Variants in MFSD8 observed in about 807,000 individuals in gnomAD.
MFSD8 encodes the protein major facilitator superfamily domain containing 8, also known as major facilitator superfamily domain-containing protein 8.
Under a neutral mutation model 66.4 loss-of-function variants are expected in MFSD8, and 55 were observed. The ratio of observed to expected loss-of-function variants is 0.83; its 90% CI spans 0.67 to 1.04. MFSD8 has a LOEUF of 1.04. Ranked by LOEUF, MFSD8 falls within the 50% of genes least tolerant of loss-of-function variation. MFSD8 has a pLI of 0.00. For missense variants in MFSD8, 550 were observed against 627.6 expected (o/e 0.88, Z 1.32); for synonymous variants, 202 against 212.8 (o/e 0.95, Z 0.44).
chr4:127,957,288 T>C (rs1337692097), intron 2 of MFSD8, among the ~76,000 whole-genome samples: 1 of 152,182 alleles, frequency 6.6e-6, no homozygotes, highest in Non-Finnish European at 1.5e-5. Context: ...AGTTTCTCTT[T>C]TGCAAGATGA....
chr4:127,931,203 T>C (rs922152338), intron 8 of MFSD8, among the ~76,000 whole-genome samples: 2 of 152,208 alleles, frequency 1.3e-5, no homozygotes, highest in South Asian at 2.1e-4. Context: ...TTATATTAAG[T>C]TATCAGAATA....
In MFSD8 at chr4:127,947,902, T is replaced by A. The variant is rs1017354922; in HGVS notation, c.198+1902A>T. Among the ~76,000 whole-genome samples, 60 of 116,660 alleles carry A rather than the reference T, an allele frequency of 5.1e-4. No homozygotes were observed. The South Asian group carries it at 6.3e-3, about 12-fold the overall frequency. The allele number at this position is 116,660 out of a possible 152,430, so 76.5% of individuals were successfully genotyped here. A position where few individuals can be genotyped will look rare whatever the true frequency, so the allele number is the denominator to read the frequency against. On this transcript the variant is annotated intron_variant, in intron 3 of 11. Coordinates refer to ENST00000641686, the MANE Select transcript of MFSD8 (RefSeq NM_001371596.2). ...CACACACACACACACACACACACTC[T>A]CTCTCCAACCTCATAGAAAAACCAA...
intron 6 of MFSD8, chr4:127,939,047 G>GA (rs1431127671): frequency 1.3e-5 from 5 of 382,726 alleles, no homozygotes; most frequent in Non-Finnish European, 1.9e-5. Flanking sequence ...CAGGTAAAAT[G>GA]AAAAAAATCC....
At chr4:127,965,195 C>T (rs1006273109), upstream of MFSD8, 4 of 1,602,100 alleles carry the variant, frequency 2.5e-6, no homozygotes, top group African/African-American at 2.7e-5. Context: ...TCTCCCATCC[C>T]GGGTGGCGTG....
chr4:127,931,393 T>C (rs752969301), intron 8 of MFSD8, among the ~76,000 whole-genome samples: 1 of 152,200 alleles, frequency 6.6e-6, no homozygotes, highest in Non-Finnish European at 1.5e-5. Flanking sequence ...AGTCTCACTC[T>C]GTCACCTGGG....
At chr4:127,926,874 A>T (rs1337839057) in intron 9 of MFSD8, among the ~76,000 whole-genome samples, 3 of 152,182 alleles carry the variant, frequency 2.0e-5, no homozygotes, top group East Asian at 3.9e-4. Flanking sequence ...CCACACTTCA[A>T]ATTTTGAATT....
Position 127,943,801 on chromosome 4 carries a change from A to G in MFSD8, c.390T>C (p.His130=). ...LYAYLHIPAS[H]NKYYMLVARG... The stretch of plus-strand genomic sequence containing the variant: ...GAGCAACCAGCATGTAGTATTTATT[A>G]TGAGAAGCTGGGATGTGGAGATATG... Residue 130 remains histidine, a synonymous_variant, in exon 4 of 12, where the codon CAT becomes CAC. Coordinates refer to ENST00000641686, the MANE Select transcript of MFSD8 (RefSeq NM_001371596.2). 1 of 1,614,154 alleles carries G rather than the reference A, an allele frequency of 6.2e-7. No individual in the cohort carries two copies. Among genetic ancestry groups the G allele is most frequent in the Non-Finnish European group, 8.5e-7 (1 of 1,180,014 alleles).
At chr4:127,951,456 T>C (rs1309518489) in intron 2 of MFSD8, among the ~76,000 whole-genome samples, 1 of 152,124 alleles carries the variant, frequency 6.6e-6, no homozygotes, top group Non-Finnish European at 1.5e-5. Flanking sequence ...CTCGAACTCC[T>C]GACCTCAGGT....
In MFSD8 at chr4:127,933,023, CAG is replaced by C; in HGVS notation, c.823_824del (p.Leu275ValfsTer12). 1 of 1,613,692 alleles carries C rather than the reference CAG, an allele frequency of 6.2e-7. No homozygotes were observed. The highest frequency in any genetic ancestry group is 1.3e-5 in the African/African-American group (1 of 74,996). ...DQVAVVAINV[L>X]FFVTLFIFAL... ...CAAAGATAAATAGAGTCACAAAAAA[CAG>C]AACATTGATGGCCACAACAGCAACC... On this transcript the variant is annotated frameshift_variant, in exon 8 of 12. Coordinates refer to ENST00000641686, the MANE Select transcript of MFSD8 (RefSeq NM_001371596.2). LOFTEE classifies it high-confidence loss of function.
At chr4:127,951,320 C>A (rs934176119) in intron 2 of MFSD8, among the ~76,000 whole-genome samples, 7 of 152,062 alleles carry the variant, frequency 4.6e-5, no homozygotes, top group African/African-American at 1.7e-4. Flanking sequence ...ACCTCCGACT[C>A]CTGGATTCAA....
At chr4:127,930,648 A>G in intron 9 of MFSD8, 35 bp downstream of exon 9, 2 of 1,609,140 alleles carry the variant, frequency 1.2e-6, no homozygotes, top group Non-Finnish European at 1.7e-6. Flanking sequence ...TTTATTTTTT[A>G]AAAACAGACA....
At position 127,929,802 on chromosome 4, in the gene MFSD8, G is replaced by A. The variant is rs748397907; in HGVS notation, c.998+881C>T. On this transcript the variant is annotated intron_variant, in intron 9 of 11. Coordinates refer to ENST00000641686, the MANE Select transcript of MFSD8 (RefSeq NM_001371596.2). ...TGTACATGTCAAAAGCTAGAAAAGA[G>A]TAATTCAAATGTTCCTAGCATAAAG... Among the ~76,000 whole-genome samples, 10 of 152,272 alleles carry A rather than the reference G, an allele frequency of 6.6e-5. No individual in the cohort carries two copies. In the South Asian group the frequency reaches 1.4e-3, roughly 22 times the overall value.
chr4:127,933,736 T>C (rs1738556635), intron 7 of MFSD8: 1 of 152,228 alleles, frequency 6.6e-6, no homozygotes, highest in African/African-American at 2.4e-5. Flanking sequence ...GATCTCATAC[T>C]AAATATATTT....
At position 127,957,615 on chromosome 4, in the gene MFSD8, T is replaced by C. The variant is rs747919705; in HGVS notation, c.63-23A>G. The C allele has an allele frequency of 2.0e-6, 3 of 1,504,650 alleles. No homozygotes were observed. The African/African-American group carries it at 4.1e-5, about 21-fold the overall frequency. 93.2% of individuals were successfully genotyped at this position (1,504,650 alleles called of 1,614,324 possible). On this transcript the variant is annotated intron_variant, in intron 1 of 11. Coordinates refer to ENST00000641686, the MANE Select transcript of MFSD8 (RefSeq NM_001371596.2). ...TCTCTAGGTGTAAAGAAGAAAAAAG[T>C]AGTATAAATTTATCTCATTACATGT...
At chr4:127,930,320 A>G (rs12504825) in intron 9 of MFSD8, among the ~76,000 whole-genome samples, 106,881 of 152,032 alleles carry the variant, frequency 0.7, 38,032 homozygotes, top group Middle Eastern at 0.83. Context: ...TATATATACT[A>G]TGGATAGAAG....
intron 9 of MFSD8, among the ~76,000 whole-genome samples, chr4:127,923,150 A>G (rs911998327): frequency 6.6e-6 from 1 of 152,186 alleles, no homozygotes; most frequent in African/African-American, 2.4e-5. Flanking sequence ...CCTGGCCAGA[A>G]CTTCCAACAC....
In MFSD8 at chr4:127,926,806, C is replaced by T. The variant is rs189362268; in HGVS notation, c.998+3877G>A. On this transcript the variant is annotated intron_variant, in intron 9 of 11. Transcript: ENST00000641686. Reference sequence around the variant, plus strand: ...CATACAGTCTCTGACTTATGAGTGTCCAACTTAGAACTGTTCAGCTTTACA... The same window carrying T: ...CATACAGTCTCTGACTTATGAGTGTTCAACTTAGAACTGTTCAGCTTTACA... Among the ~76,000 whole-genome samples, 455 of 152,246 alleles carry T rather than the reference C, an allele frequency of 3.0e-3. 4 individuals are homozygous for T. Among genetic ancestry groups the T allele is most frequent in the African/African-American group, 0.011 (438 of 41,546 alleles).
rs186040119 is a variant in MFSD8, at chr4:127,963,115, A to G, written c.62+1957T>C. On this transcript the variant is annotated intron_variant, in intron 1 of 11. Transcript: ENST00000641686. ...AACTAGGATCAGAACAACCAGAATT[A>G]TAAGGATCAAAATACTGACGTTATT... Among the ~76,000 whole-genome samples, 9 of 152,352 alleles carry G rather than the reference A, an allele frequency of 5.9e-5. No individual in the cohort carries two copies. The East Asian group carries it at 1.7e-3, about 29-fold the overall frequency.
chr4:127,953,331 A>G lies in MFSD8; in HGVS notation c.155-3484T>C, dbSNP rs190467670. On this transcript the variant is annotated intron_variant, in intron 2 of 11. Transcript: ENST00000641686. ...TGGAGAAACCCCGTCTCTACTAAAA[A>G]TACAACATTAGCTGGGCATGGTGCC... is the stretch of plus-strand genomic sequence containing the variant. Among the ~76,000 whole-genome samples, 80 of 151,950 alleles carry G rather than the reference A, an allele frequency of 5.3e-4. No individual in the cohort carries two copies. In the East Asian group the frequency reaches 0.015, roughly 28 times the overall value.
Sources: gnomAD v4.1 joint callset for allele counts (sites outside exome capture counted in the v4.1 genomes callset) on GRCh38, gnomAD v4.1.1 for gene constraint, MANE v1.5 for transcripts, NCBI Gene and HGNC (gene_info 2026-07-23, HGNC 2026-07-21) for gene names.